The following TMEM181 variants were observed in gnomAD, a reference collection of about 807,000 sequenced individuals.
TMEM181 encodes the protein G protein-coupled receptor 178.
A neutral mutation model predicts 71.9 loss-of-function variants in TMEM181; 39 were observed. The observed-to-expected ratio is 0.54, with a 90% CI of 0.42 to 0.71. TMEM181 has a LOEUF of 0.71. Among genes scored for constraint, TMEM181 ranks in the 30% least tolerant of loss-of-function variants. TMEM181 has a pLI of 0.00. For missense variants in TMEM181, 595 were observed against 583.0 expected (o/e 1.02, Z -0.21); for synonymous variants, 245 against 228.8 (o/e 1.07, Z -0.64).
At chr6:158,613,520 G>T (rs559753225) in intron 10 of TMEM181, among the ~76,000 whole-genome samples, 85 of 108,746 alleles carry the variant, frequency 7.8e-4, no homozygotes, top group Non-Finnish European at 1.4e-3. Flanking sequence ...AAGATAACTT[G>T]GGGTTCCTGG....
intron 1 of TMEM181, among the ~76,000 whole-genome samples, chr6:158,543,965 C>T (rs1781439221): frequency 6.6e-6 from 1 of 152,196 alleles, no homozygotes; most frequent in Non-Finnish European, 1.5e-5. Context: ...GAGGACTAGG[C>T]AGGTCCTGGC....
At chr6:158,540,667 G>T (rs1781306464) in intron 1 of TMEM181, among the ~76,000 whole-genome samples, 2 of 151,950 alleles carry the variant, frequency 1.3e-5, no homozygotes, top group African/African-American at 4.8e-5. Flanking sequence ...TGTGATCCCA[G>T]TTACTTCGGA....
intron 1 of TMEM181, among the ~76,000 whole-genome samples, chr6:158,545,415 G>GTT (rs1781495228): frequency 6.6e-6 from 1 of 152,264 alleles, no homozygotes; most frequent in Non-Finnish European, 1.5e-5. Context: ...AGCAGCGCTT[G>GTT]TTTTGCTACA....
intron 4 of TMEM181, among the ~76,000 whole-genome samples, chr6:158,584,271 C>T (rs1783641245): frequency 6.6e-6 from 1 of 152,352 alleles, no homozygotes; most frequent in Middle Eastern, 3.4e-3. Context: ...TAGCTCCGCT[C>T]AGTGGCTGCA....
chr6:158,559,103 T>G (rs1185196099), upstream of TMEM181, among the ~76,000 whole-genome samples: 2 of 151,918 alleles, frequency 1.3e-5, no homozygotes, highest in Admixed American at 6.6e-5. Flanking sequence ...GCTTGGTATC[T>G]CCCCCTTTTA....
chr6:158,560,849 G>A (rs1182635177), intron 1 of TMEM181, among the ~76,000 whole-genome samples: 1 of 152,030 alleles, frequency 6.6e-6, no homozygotes, highest in Non-Finnish European at 1.5e-5. Context: ...TGAAGTCCAG[G>A]GTTTTTAATG....
At chr6:158,568,014 C>A (rs550574419) in intron 1 of TMEM181, among the ~76,000 whole-genome samples, 1 of 151,848 alleles carries the variant, frequency 6.6e-6, no homozygotes, top group Non-Finnish European at 1.5e-5. Flanking sequence ...AAGGAAGGTG[C>A]GTTTGGAGGT....
At chr6:158,544,463 G>A (rs113345506) in intron 1 of TMEM181, among the ~76,000 whole-genome samples, 1,894 of 152,156 alleles carry the variant, frequency 0.012, 44 homozygotes, top group African/African-American at 0.043. Flanking sequence ...CAGATGAGCC[G>A]TCTGCTGGGG....
chr6:158,580,121 A>G (rs999836689), intron 2 of TMEM181, among the ~76,000 whole-genome samples: 2 of 152,180 alleles, frequency 1.3e-5, no homozygotes, highest in Middle Eastern at 3.2e-3. Context: ...TCCTGAGGTC[A>G]GGAGTTCGAG....
chr6:158,599,174 A>G (rs1784538546), intron 6 of TMEM181, among the ~76,000 whole-genome samples: 1 of 152,304 alleles, frequency 6.6e-6, no homozygotes, highest in African/African-American at 2.4e-5. Flanking sequence ...TTTACTGGTC[A>G]TATTTTTGTT....
chr6:158,625,923 C>T (rs1378168493), intron 13 of TMEM181, among the ~76,000 whole-genome samples, 169 bp downstream of exon 13: 2 of 152,326 alleles, frequency 1.3e-5, no homozygotes, highest in South Asian at 2.1e-4. Context: ...CAGCCGTCAG[C>T]CTGGAGAGCA....
intron 1 of TMEM181, among the ~76,000 whole-genome samples, chr6:158,547,508 C>T (rs1356846121): frequency 1.3e-5 from 2 of 152,180 alleles, no homozygotes; most frequent in East Asian, 1.9e-4. Flanking sequence ...CTCATGCTTA[C>T]GCCACCCATT....
At chr6:158,591,459 A>T (rs1258371581) in intron 6 of TMEM181, among the ~76,000 whole-genome samples, 1 of 151,706 alleles carries the variant, frequency 6.6e-6, no homozygotes, top group Non-Finnish European at 1.5e-5. Context: ...GATCTTTTGG[A>T]TCTGAATCTG....
intron 6 of TMEM181, among the ~76,000 whole-genome samples, chr6:158,599,261 T>G (rs921310377): frequency 1.3e-5 from 2 of 152,162 alleles, no homozygotes; most frequent in Non-Finnish European, 2.9e-5. Flanking sequence ...GCTCAGCAGA[T>G]GTGGATGGAT....
At chr6:158,608,221 AGAGGTATGGGGTG>A in intron 8 of TMEM181, 99 bp from the exon 9 acceptor site, 7 of 746,864 alleles carry the variant, frequency 9.4e-6, no homozygotes, top group Non-Finnish European at 1.3e-5. Context: ...CTGACCCCGC[AGAGGTATGGGGTG>A]CTCTCTGCTA....
chr6:158,595,689 G>A (rs1338648414), intron 6 of TMEM181, among the ~76,000 whole-genome samples: 1 of 152,170 alleles, frequency 6.6e-6, no homozygotes, highest in Non-Finnish European at 1.5e-5. Context: ...AAACAGTACG[G>A]AGTGTATGAT....
intron 1 of TMEM181, among the ~76,000 whole-genome samples, chr6:158,548,708 A>G (rs1481772166): frequency 6.6e-6 from 1 of 152,212 alleles, no homozygotes; most frequent in Non-Finnish European, 1.5e-5. Context: ...TGTTCAACAC[A>G]CAGGGGCTTG....
intron 1 of TMEM181, among the ~76,000 whole-genome samples, chr6:158,569,380 G>A (rs1387217613): frequency 1.3e-5 from 2 of 152,192 alleles, no homozygotes; most frequent in Non-Finnish European, 2.9e-5. Flanking sequence ...CAGCACAGGC[G>A]GTTATACCCA....
chr6:158,537,353 C>T (rs1340830914), intron 1 of TMEM181, among the ~76,000 whole-genome samples: 1 of 152,102 alleles, frequency 6.6e-6, no homozygotes, highest in African/African-American at 2.4e-5. Flanking sequence ...GCCTCGGAGG[C>T]GGGGGCGCCG....
Sources: allele counts gnomAD v4.1 joint callset (sites outside exome capture counted in the v4.1 genomes callset), GRCh38; gene constraint gnomAD v4.1.1; transcripts MANE v1.5; gene names NCBI Gene and HGNC (gene_info 2026-07-23, HGNC 2026-07-21).